Variants in ACTR3B observed in about 807,000 individuals in gnomAD.
ACTR3B encodes the protein actin-related protein 3B.
ACTR3B carries 8 observed loss-of-function variants against 59.0 expected under a neutral mutation model. The observed-to-expected ratio is 0.14, with a 90% CI of 0.08 to 0.24. The LOEUF (loss-of-function observed/expected upper bound fraction) is 0.24. ACTR3B is among the 10% of genes least tolerant of loss of function. ACTR3B has a pLI of 1.00. For synonymous variants in ACTR3B, 148 were observed against 197.9 expected, an observed-to-expected ratio of 0.75 and a Z score of 2.12; for missense variants, 245 against 552.3, an observed-to-expected ratio of 0.44 and a Z score of 5.58.
In ACTR3B at chr7:152,765,411, C is replaced by T. The variant is rs1478724380; in HGVS notation, c.44+5485C>T. Among the ~76,000 whole-genome samples the T allele has an allele frequency of 2.7e-5, 4 of 149,432 alleles. No individual in the cohort carries two copies. In the East Asian group the frequency reaches 5.8e-4, roughly 22 times the overall value. On this transcript the variant is annotated intron_variant, in intron 1 of 11. Transcript: ENST00000256001. ...AGATTACAGCCATGAGCCACTGCGC[C>T]TGGCTTTTTTTTTTTTTTTTTAAAT...
intron 1 of ACTR3B, among the ~76,000 whole-genome samples, chr7:152,762,171 TA>T (rs1232547840): frequency 2.0e-5 from 3 of 152,204 alleles, no homozygotes; most frequent in Non-Finnish European, 2.9e-5. Flanking sequence ...ACCCCGAGAC[TA>T]CCTGAGTAAG....
chr7:152,827,005 G>A (rs1796625459), intron 9 of ACTR3B, among the ~76,000 whole-genome samples: 1 of 151,690 alleles, frequency 6.6e-6, no homozygotes, highest in Non-Finnish European at 1.5e-5. Context: ...GAGGGAAGAG[G>A]ATTCTTCTTT....
chr7:152,809,905 T>A (rs544935688), intron 4 of ACTR3B, among the ~76,000 whole-genome samples: 1 of 114,110 alleles, frequency 8.8e-6, no homozygotes, highest in South Asian at 3.6e-4. Flanking sequence ...CCTTGGATTT[T>A]TGAATTAAAC....
intron 9 of ACTR3B, among the ~76,000 whole-genome samples, chr7:152,836,277 C>T (rs1228279409): frequency 1.3e-5 from 2 of 152,018 alleles, no homozygotes; most frequent in Non-Finnish European, 2.9e-5. Flanking sequence ...AGTAAACAAA[C>T]CTTGAGTTCA....
chr7:152,828,887 C>T (rs1590390375), intron 9 of ACTR3B, among the ~76,000 whole-genome samples: 1 of 152,066 alleles, frequency 6.6e-6, no homozygotes, highest in Non-Finnish European at 1.5e-5. Flanking sequence ...CAGAAGAGGT[C>T]GTCTCTCTCC....
chr7:152,782,402 T>C (rs2098157219), intron 1 of ACTR3B, among the ~76,000 whole-genome samples: 1 of 152,082 alleles, frequency 6.6e-6, no homozygotes, highest in Non-Finnish European at 1.5e-5. Context: ...TTCTGAGTGG[T>C]GGTTTTTTTT....
At position 152,827,288 on chromosome 7, in the gene ACTR3B, G is replaced by GT. The variant is rs567823715; in HGVS notation, c.951+2173dup. ...ATCCTGTCTTCCCTCAGCCGTCTTG[G>GT]TTTTTTTGAACAGGACCTCTCCAGT... On this transcript the variant is annotated intron_variant, in intron 9 of 11. Coordinates refer to ENST00000256001, the MANE Select transcript of ACTR3B (RefSeq NM_020445.6). Among the ~76,000 whole-genome samples the GT allele has an allele frequency of 2.7e-3, 417 of 151,850 alleles. 1 individual carries two copies. The highest frequency in any genetic ancestry group is 9.5e-3 in the African/African-American group (395 of 41,390).
chr7:152,825,133 C>G lies in ACTR3B; in HGVS notation c.951+11C>G. Reference sequence around the variant, plus strand: ...CGCCCGCTGTATAAGGTATGAGCTGCCTGGGTAAGGTACTTTGATTTCATT... The same window carrying G: ...CGCCCGCTGTATAAGGTATGAGCTGGCTGGGTAAGGTACTTTGATTTCATT... On this transcript the variant is annotated intron_variant, in intron 9 of 11. Coordinates refer to ENST00000256001, the MANE Select transcript of ACTR3B (RefSeq NM_020445.6). The G allele has an allele frequency of 6.2e-7, 1 of 1,610,194 alleles. No homozygotes were observed. Among genetic ancestry groups the G allele is most frequent in the Non-Finnish European group, 8.5e-7 (1 of 1,178,546 alleles).
Position 152,829,059 on chromosome 7 carries a change from C to T in ACTR3B, c.951+3937C>T, listed in dbSNP as rs529891694. Among the ~76,000 whole-genome samples, 835 of 137,882 alleles carry T rather than the reference C, an allele frequency of 6.1e-3. 2 individuals carry two copies. Among genetic ancestry groups the T allele is most frequent in the African/African-American group, 0.025 (788 of 31,554 alleles). The allele number at this position is 137,882 out of a possible 152,430, so 90.5% of individuals were successfully genotyped here. A position where few individuals can be genotyped will look rare whatever the true frequency, so the allele number is the denominator to read the frequency against. ...GTGTGTGTGTGTATATATATATATA[C>T]ACACACACACACACATCAAGAGCAG... On this transcript the variant is annotated intron_variant, in intron 9 of 11. Coordinates refer to ENST00000256001, the MANE Select transcript of ACTR3B (RefSeq NM_020445.6).
intron 11 of ACTR3B, among the ~76,000 whole-genome samples, chr7:152,853,882 C>T (rs559293215): frequency 6.6e-6 from 1 of 151,992 alleles, no homozygotes; most frequent in South Asian, 2.1e-4. Context: ...ATGCCCGGCT[C>T]ATTTTTTTTT....
At chr7:152,803,180 G>A (rs1182062105) in intron 4 of ACTR3B, among the ~76,000 whole-genome samples, 1 of 152,230 alleles carries the variant, frequency 6.6e-6, no homozygotes, top group East Asian at 1.9e-4. Context: ...TGAGTAGCTC[G>A]GACCACAGGT....
At chr7:152,817,096 A>G (rs1247733042) in intron 6 of ACTR3B, among the ~76,000 whole-genome samples, 7 of 150,996 alleles carry the variant, frequency 4.6e-5, no homozygotes, top group Non-Finnish European at 1.0e-4. Context: ...TTAAAAATTT[A>G]TTTAAGGGCT....
At chr7:152,811,330 CT>C (rs1353729812) in intron 4 of ACTR3B, 2 of 148,312 alleles carry the variant, frequency 1.3e-5, no homozygotes, top group African/African-American at 5.0e-5. Context: ...CTTTCCAACT[CT>C]CTGAGTGGGG....
chr7:152,826,033 C>T (rs1199743870), intron 9 of ACTR3B, among the ~76,000 whole-genome samples: 7 of 152,046 alleles, frequency 4.6e-5, no homozygotes, highest in African/African-American at 1.4e-4. Flanking sequence ...TTGAGTGAGT[C>T]GCGCCGTCAG....
At chr7:152,835,331 T>G (rs1797362487) in intron 9 of ACTR3B, among the ~76,000 whole-genome samples, 1 of 152,278 alleles carries the variant, frequency 6.6e-6, no homozygotes, top group Admixed American at 6.5e-5. Flanking sequence ...TGATAGATAT[T>G]ACTACAGGCA....
chr7:152,834,805 G>A (rs1797314140), intron 9 of ACTR3B, among the ~76,000 whole-genome samples: 1 of 152,206 alleles, frequency 6.6e-6, no homozygotes, highest in Non-Finnish European at 1.5e-5. Flanking sequence ...AAATGATTGT[G>A]ATTTGAGAAT....
At chr7:152,789,275 C>G (rs868706182) in intron 2 of ACTR3B, among the ~76,000 whole-genome samples, 3 of 148,588 alleles carry the variant, frequency 2.0e-5, no homozygotes, top group Non-Finnish European at 4.4e-5. Context: ...ACCTGTGGTC[C>G]CAGCTACTCG....
At chr7:152,771,941 TGTAAATCCAGCTACTCG>T (rs1221175869) in intron 1 of ACTR3B, among the ~76,000 whole-genome samples, 1 of 152,056 alleles carries the variant, frequency 6.6e-6, no homozygotes, top group Non-Finnish European at 1.5e-5. Flanking sequence ...GGTGCATGCC[TGTAAATCCAGCTACTCG>T]GGAAGCTGAG....
At chr7:152,826,140 A>G (rs1221828826) in intron 9 of ACTR3B, among the ~76,000 whole-genome samples, 1 of 152,226 alleles carries the variant, frequency 6.6e-6, no homozygotes, top group African/African-American at 2.4e-5. Flanking sequence ...GCATTGCGTC[A>G]CCTGTGCCGT....
Sources: allele counts gnomAD v4.1 joint callset (sites outside exome capture counted in the v4.1 genomes callset), GRCh38; gene constraint gnomAD v4.1.1; transcripts MANE v1.5; gene names NCBI Gene and HGNC (gene_info 2026-07-23, HGNC 2026-07-21).